Variants in ZNF334 observed in about 807,000 individuals in gnomAD.
The protein encoded by ZNF334 is zinc finger protein 334.
Under a neutral mutation model 12.4 loss-of-function variants are expected in ZNF334, and 14 were observed. The observed-to-expected ratio is 1.13, with a 90% CI of 0.74 to 1.76. The LOEUF is 1.76. ZNF334 is among the 40% of genes most tolerant of loss of function. The pLI is 0.00. For missense variants in ZNF334, 797 were observed against 804.5 expected, an observed-to-expected ratio of 0.99 and a Z score of 0.11; for synonymous variants, 273 against 269.6, an observed-to-expected ratio of 1.01 and a Z score of -0.12.
chr20:46,464,138 T>C, the ZNF334 span: 5 of 552,138 alleles, frequency 9.1e-6, no homozygotes, highest in African/African-American at 5.7e-5. Context: ...GTATCCTTTC[T>C]ATGGCCATCA....
At chr20:46,468,363 C>A in the ZNF334 span, among the ~76,000 whole-genome samples, 2 of 151,840 alleles carry the variant, frequency 1.3e-5, no homozygotes, top group Non-Finnish European at 2.9e-5. Context: ...GCAACCTCAA[C>A]CCCCAGGTTC....
chr20:46,474,298 G>T, the ZNF334 span, among the ~76,000 whole-genome samples: 90 of 151,944 alleles, frequency 5.9e-4, no homozygotes, highest in African/African-American at 2.1e-3. Flanking sequence ...ACTTGAACCC[G>T]GGAGGTGGGA....
At chr20:46,475,278 T>C in the ZNF334 span, among the ~76,000 whole-genome samples, 1 of 152,112 alleles carries the variant, frequency 6.6e-6, no homozygotes, top group African/African-American at 2.4e-5. Flanking sequence ...AAACCAAACC[T>C]TGACTTAAAC....
chr20:46,469,399 C>T, the ZNF334 span, among the ~76,000 whole-genome samples: 5 of 148,494 alleles, frequency 3.4e-5, no homozygotes, highest in East Asian at 5.9e-4. Context: ...GACGGAGTCT[C>T]GCTCTGTCGC....
intron 4 of ZNF334, 62 bp from the exon 5 acceptor site, chr20:46,503,159 G>T: frequency 6.7e-7 from 1 of 1,492,632 alleles, no homozygotes. Context: ...TATGAAATGA[G>T]AATTCCTTAG....
intron 2 of ZNF334, among the ~76,000 whole-genome samples, chr20:46,508,334 G>C (rs2061512024): frequency 6.6e-6 from 1 of 152,198 alleles, no homozygotes. Context: ...TTACTTGTGA[G>C]GTAGACAGAT....
the ZNF334 span, among the ~76,000 whole-genome samples, chr20:46,474,157 G>A: frequency 3.9e-5 from 6 of 152,152 alleles, no homozygotes; most frequent in East Asian, 7.8e-4. Flanking sequence ...GGTGGATCAC[G>A]AGGTCAGGAA....
In ZNF334 at chr20:46,512,129, TTGAAAGCAGAGC is replaced by T; in HGVS notation, c.-38-1_-28del. Reference sequence around the variant, plus strand: ...TTCTCTTGAGAAAGGGCCAAGAGTGTTGAAAGCAGAGCTGGGTAAGGAAGAATGGCGAATGGA... The same window carrying T: ...TTCTCTTGAGAAAGGGCCAAGAGTGTTGGGTAAGGAAGAATGGCGAATGGA... On this transcript the variant is annotated splice_acceptor_variant and 5_prime_UTR_variant, in exon 2 of 5. Coordinates refer to ENST00000692313, the MANE Select transcript of ZNF334 (RefSeq NM_001353824.2). LOFTEE classifies it low-confidence loss of function (5UTR_SPLICE). 1 of 1,613,522 alleles carries T rather than the reference TTGAAAGCAGAGC, an allele frequency of 6.2e-7. No homozygotes were observed. Among genetic ancestry groups the T allele is most frequent in the Non-Finnish European group, 8.5e-7 (1 of 1,179,580 alleles).
At chr20:46,464,080 G>T in the ZNF334 span, 1 of 617,320 alleles carries the variant, frequency 1.6e-6, no homozygotes. Context: ...AATGAGCTCC[G>T]AGAAGTGGTT....
At chr20:46,507,600 T>C (rs2061484028) in intron 2 of ZNF334, among the ~76,000 whole-genome samples, 2 of 152,192 alleles carry the variant, frequency 1.3e-5, no homozygotes, top group African/African-American at 4.8e-5. Flanking sequence ...TATTTAAAAA[T>C]AAAGCAGTAA....
At chr20:46,472,802 G>C in the ZNF334 span, among the ~76,000 whole-genome samples, 1 of 152,228 alleles carries the variant, frequency 6.6e-6, no homozygotes, top group Non-Finnish European at 1.5e-5. Context: ...TGCCCTGACT[G>C]CACGGGGGCA....
intron 1 of ZNF334, 125 bp from the exon 2 acceptor site, chr20:46,512,265 C>A: frequency 1.6e-6 from 1 of 636,796 alleles, no homozygotes; most frequent in Non-Finnish European, 2.7e-6. Context: ...GTTCAGGAAG[C>A]AACATGTTGA....
the ZNF334 span, among the ~76,000 whole-genome samples, chr20:46,488,279 G>T: frequency 6.7e-6 from 1 of 148,166 alleles, no homozygotes; most frequent in Non-Finnish European, 1.5e-5. Context: ...ACCTTTATTG[G>T]CTTATTAGCT....
downstream of ZNF334, among the ~76,000 whole-genome samples, chr20:46,497,215 G>A (rs1475156946): frequency 6.6e-6 from 1 of 152,180 alleles, no homozygotes; most frequent in African/African-American, 2.4e-5. Flanking sequence ...AGTTCATAGA[G>A]GTCTGCCCCA....
At chr20:46,463,752 C>T in the ZNF334 span, 1 of 245,952 alleles carries the variant, frequency 4.1e-6, no homozygotes, top group Admixed American at 4.2e-5. Flanking sequence ...ATTGAGAAGA[C>T]AGGCCCTAGG....
downstream of ZNF334, among the ~76,000 whole-genome samples, chr20:46,494,804 T>C (rs895983821): frequency 1.3e-5 from 2 of 152,220 alleles, no homozygotes; most frequent in Non-Finnish European, 2.9e-5. Context: ...CAGAACAACT[T>C]GTTCTGAAAA....
At chr20:46,504,339 G>A (rs1568865798) in intron 3 of ZNF334, 33 bp from the exon 4 acceptor site, 3 of 1,576,312 alleles carry the variant, frequency 1.9e-6, no homozygotes, top group Non-Finnish European at 1.7e-6. Flanking sequence ...CTTGGACCAA[G>A]ATCTTTGGAC....
the ZNF334 span, among the ~76,000 whole-genome samples, chr20:46,493,650 G>C: frequency 6.6e-6 from 1 of 152,196 alleles, no homozygotes; most frequent in East Asian, 1.9e-4. Context: ...TGAAATAAGT[G>C]AAAGAAAATT....
chr20:46,509,021 A>G (rs2061543603), intron 2 of ZNF334, among the ~76,000 whole-genome samples: 1 of 152,214 alleles, frequency 6.6e-6, no homozygotes, highest in Non-Finnish European at 1.5e-5. Context: ...CAGTATTTGA[A>G]TCATGACACA....
Sources: allele counts gnomAD v4.1 joint callset (sites outside exome capture counted in the v4.1 genomes callset), GRCh38; gene constraint gnomAD v4.1.1; transcripts MANE v1.5; gene names NCBI Gene and HGNC (gene_info 2026-07-23, HGNC 2026-07-21).